PSMB9: variants seen among roughly 807,000 people sequenced by gnomAD.
PSMB9 encodes the protein proteasome subunit beta type-9.
PSMB9 carries 16 observed loss-of-function variants against 26.9 expected under a neutral mutation model. That is an observed-to-expected ratio of 0.59 (90% CI 0.40 to 0.90). The LOEUF (loss-of-function observed/expected upper bound fraction) is 0.90, where lower values mean the gene tolerates loss of function less well. PSMB9 is among the 40% of genes least tolerant of loss of function. PSMB9 has a pLI of 0.00. For missense variants in PSMB9, 253 were observed against 292.2 expected, an observed-to-expected ratio of 0.87 and a Z score of 0.98; for synonymous variants, 91 against 112.0, an observed-to-expected ratio of 0.81 and a Z score of 1.18.
At position 32,857,979 on chromosome 6, in the gene PSMB9, A is replaced by G. The variant is rs371633215; in HGVS notation, c.261-26A>G. On this transcript the variant is annotated intron_variant, in intron 3 of 5. Transcript: ENST00000374859. The stretch of plus-strand genomic sequence containing the variant: ...GAGAATGAGACTTAAAATTCTATCA[A>G]CCTTTATTCCTAATATTTCCCTCAG... 357 of 1,612,842 alleles carry G rather than the reference A, an allele frequency of 2.2e-4. 2 individuals are homozygous for G. The South Asian group carries it at 3.6e-3, about 16-fold the overall frequency.
rs1771060687 is a variant in PSMB9 at position 32,854,525 on chromosome 6, C to T, written c.60+236C>T. 6.6e-6 allele frequency among the ~76,000 whole-genome samples: 1 copy of T among 152,042 alleles called. No individual in the cohort carries two copies. Among genetic ancestry groups the T allele is most frequent in the South Asian group, 2.1e-4 (1 of 4,816 alleles). On this transcript the variant is annotated intron_variant, in intron 1 of 5. Transcript: ENST00000374859. This position sits in a 1 kb window ranked among gnomAD's most constrained non-coding sequence, Gnocchi z 4.6. ...GCGAGGCTGGTGGAAAAAGCGGGTGCTTTGACTCTTAGCTGGAAGCGTCAA... is the reference window on the plus strand; with the variant it reads ...GCGAGGCTGGTGGAAAAAGCGGGTGTTTTGACTCTTAGCTGGAAGCGTCAA...
Position 32,858,596 on chromosome 6 carries a change from G to A in PSMB9, c.532+91G>A. Reference sequence around the variant, plus strand: ...GGAACAGGAAGAGAAATACAGGGGTGGCCATTTAAGTTAATGCCGGGCCTG... The same window carrying A: ...GGAACAGGAAGAGAAATACAGGGGTAGCCATTTAAGTTAATGCCGGGCCTG... On this transcript the variant is annotated intron_variant, in intron 5 of 5. Coordinates refer to ENST00000374859, the MANE Select transcript of PSMB9 (RefSeq NM_002800.5). This position sits in a 1 kb window ranked among gnomAD's most constrained non-coding sequence, Gnocchi z 5.2. 1 of 1,562,980 alleles carries A rather than the reference G, an allele frequency of 6.4e-7. No homozygotes were observed. Among genetic ancestry groups the A allele is most frequent in the Non-Finnish European group, 8.7e-7 (1 of 1,143,234 alleles).
intron 2 of PSMB9, 98 bp from the exon 3 acceptor site, chr6:32,857,165 C>A: frequency 7.3e-7 from 1 of 1,374,766 alleles, no homozygotes. Flanking sequence ...TGATCCACTG[C>A]ACTCCAGCCT....
chr6:32,858,472 T>G lies in PSMB9; in HGVS notation c.499T>G (p.Ser167Ala). 6.2e-7 allele frequency: 1 copy of G among 1,612,894 alleles called. No homozygotes were observed. Among genetic ancestry groups the G allele is most frequent in the Non-Finnish European group, 8.5e-7 (1 of 1,179,990 alleles). Reference sequence around the variant, plus strand: ...GGATGCAGCATATAAGCCAGGCATGTCTCCCGAGGAGTGCAGGCGCTTCAC... The same window carrying G: ...GGATGCAGCATATAAGCCAGGCATGGCTCCCGAGGAGTGCAGGCGCTTCAC... ...YVDAAYKPGM[S>A]PEECRRFTTD... The change falls in exon 5 of 6, where the codon TCT (serine) becomes GCT (alanine). Residue 167 changes from serine (S) to alanine (A), a missense_variant. Coordinates refer to ENST00000374859, the MANE Select transcript of PSMB9 (RefSeq NM_002800.5). The surrounding 1 kb of genome is among the most constrained non-coding windows in gnomAD (Gnocchi z 5.2).
chr6:32,857,787 A>G, intron 3 of PSMB9: 2 of 593,594 alleles, frequency 3.4e-6, no homozygotes, highest in Non-Finnish European at 5.8e-6. Flanking sequence ...GCCAAAAGAA[A>G]GTTATGTGGG....
At position 32,857,376 on chromosome 6, in the gene PSMB9, A is replaced by T; in HGVS notation, c.242A>T (p.Tyr81Phe). Reference sequence around the variant, plus strand: ...CAAGCCGTGGCCGACATGGCCGCCTACCAGCTGGAGCTCCATGGGTATGAA... The same window carrying T: ...CAAGCCGTGGCCGACATGGCCGCCTTCCAGCTGGAGCTCCATGGGTATGAA... ...DAQAVADMAAYQLELHGIELE... is the reference protein window; with the variant it reads ...DAQAVADMAAFQLELHGIELE... Residue 81 changes from tyrosine to phenylalanine, a missense_variant, in exon 3 of 6, where the codon TAC becomes TTC. Physicochemically the swap from Tyr to Phe is conservative, Grantham distance 22. Transcript: ENST00000374859. 1 of 1,612,468 alleles carries T rather than the reference A, an allele frequency of 6.2e-7. No individual in the cohort carries two copies. Among genetic ancestry groups the T allele is most frequent in the Non-Finnish European group, 8.5e-7 (1 of 1,179,976 alleles).
rs1771086666 is a variant in PSMB9 at position 32,854,999 on chromosome 6, G to A, written c.60+710G>A. Among the ~76,000 whole-genome samples the A allele has an allele frequency of 6.6e-6, 1 of 152,214 alleles. No homozygotes were observed. Among genetic ancestry groups the A allele is most frequent in the Non-Finnish European group, 1.5e-5 (1 of 68,038 alleles). On this transcript the variant is annotated intron_variant, in intron 1 of 5. Transcript: ENST00000374859. The surrounding 1 kb of genome is among the most constrained non-coding windows in gnomAD (Gnocchi z 4.6). ...CTCTGGACTACTGCCACCACTCGTG[G>A]CTTGGGGGCGGCTTTGTTAGAGAGG...
At position 32,858,561 on chromosome 6, in the gene PSMB9, T is replaced by C. The variant is rs115429670; in HGVS notation, c.532+56T>C. The C allele has an allele frequency of 1.8e-3, 2,851 of 1,607,396 alleles. 4 individuals are homozygous for C. Among genetic ancestry groups the C allele is most frequent in the Non-Finnish European group, 2.3e-3 (2,666 of 1,176,344 alleles). On this transcript the variant is annotated intron_variant, in intron 5 of 5. Coordinates refer to ENST00000374859, the MANE Select transcript of PSMB9 (RefSeq NM_002800.5). This position sits in a 1 kb window ranked among gnomAD's most constrained non-coding sequence, Gnocchi z 5.2. ...AGGGCTTTGAAACATGGGAAGGAAG[T>C]AGATTATGAGGAACAGGAAGAGAAA...
intron 5 of PSMB9, 29 bp from the exon 6 acceptor site, chr6:32,859,376 C>A: frequency 6.3e-7 from 1 of 1,589,914 alleles, no homozygotes; most frequent in Non-Finnish European, 8.6e-7. Context: ...TCCTCTCTCT[C>A]CCTCTCTCCA....
In PSMB9 at chr6:32,859,458, G is replaced by A. The variant is rs1307196646; in HGVS notation, c.586G>A (p.Val196Ile). ...DGSSGGVIYLVTITAAGVDHR... is the reference protein window; with the variant it reads ...DGSSGGVIYLITITAAGVDHR... Reference sequence around the variant, plus strand: ...CTCAAGCGGGGGTGTCATCTACCTGGTCACTATTACAGCTGCCGGTGTGGA... The same window carrying A: ...CTCAAGCGGGGGTGTCATCTACCTGATCACTATTACAGCTGCCGGTGTGGA... The change falls in exon 6 of 6, where the codon GTC (valine) becomes ATC (isoleucine). Residue 196 changes from valine (V) to isoleucine (I), a missense_variant. Physicochemically the swap from Val to Ile is conservative, Grantham distance 29 (BLOSUM62 3). Coordinates refer to ENST00000374859, the MANE Select transcript of PSMB9 (RefSeq NM_002800.5). The A allele has an allele frequency of 3.7e-6, 6 of 1,613,496 alleles. No individual in the cohort carries two copies. The highest frequency in any genetic ancestry group is 1.3e-5 in the African/African-American group (1 of 74,900).
Position 32,857,321 on chromosome 6 carries a change from T to C in PSMB9, c.187T>C (p.Cys63Arg). The C allele has an allele frequency of 1.2e-6, 2 of 1,612,824 alleles. No individual in the cohort carries two copies. Among genetic ancestry groups the C allele is most frequent in the Non-Finnish European group, 1.7e-6 (2 of 1,179,996 alleles). ...KLSPLHERIY[C>R]ALSGSAADAQ... Reference sequence around the variant, plus strand: ...GTCCCCGCTGCACGAGCGCATCTACTGTGCACTCTCTGGTTCAGCTGCTGA... The same window carrying C: ...GTCCCCGCTGCACGAGCGCATCTACCGTGCACTCTCTGGTTCAGCTGCTGA... Residue 63 changes from cysteine to arginine, a missense_variant, in exon 3 of 6, where the codon TGT (cysteine) becomes CGT (arginine). By Grantham distance (180) the Cys-to-Arg change is radical. Transcript: ENST00000374859.
chr6:32,859,365 A>G (rs1771336107), intron 5 of PSMB9, 40 bp from the exon 6 acceptor site: 1 of 1,564,942 alleles, frequency 6.4e-7, no homozygotes, highest in Non-Finnish European at 8.7e-7. Flanking sequence ...AAGCTAAGCC[A>G]TCCTCTCTCT....
In PSMB9 at chr6:32,854,195, G is replaced by GC; in HGVS notation, c.-31dup. Reference sequence around the variant, plus strand: ...GCGCTGTCCCAGGTTGGAAACCAGTGCCCCAGGCGGCGAGGAGAGCGGTGC... The same window carrying GC: ...GCGCTGTCCCAGGTTGGAAACCAGTGCCCCCAGGCGGCGAGGAGAGCGGTGC... On this transcript the variant is annotated 5_prime_UTR_variant, in exon 1 of 6. Coordinates refer to ENST00000374859, the MANE Select transcript of PSMB9 (RefSeq NM_002800.5). The surrounding 1 kb of genome is among the most constrained non-coding windows in gnomAD (Gnocchi z 4.6). The GC allele has an allele frequency of 6.5e-7, 1 of 1,544,188 alleles. No homozygotes were observed.
chr6:32,857,274 T>C lies in PSMB9; in HGVS notation c.140T>C (p.Val47Ala). 1 of 1,603,564 alleles carries C rather than the reference T, an allele frequency of 6.2e-7. No homozygotes were observed. Among genetic ancestry groups the C allele is most frequent in the Non-Finnish European group, 8.5e-7 (1 of 1,175,312 alleles). Residue 47 changes from valine (V) to alanine (A), a missense_variant, in exon 3 of 6, where the codon GTG becomes GCG. Transcript: ENST00000374859. ...DSRVSAGEAV[V>A]NRVFDKLSPL... ...CTCCCTCCTGACAGCGAGGCGGTGG[T>C]GAACCGAGTGTTTGACAAGCTGTCC...
intron 5 of PSMB9, among the ~76,000 whole-genome samples, chr6:32,859,142 C>G (rs1364726977): frequency 6.6e-6 from 1 of 151,810 alleles, no homozygotes; most frequent in African/African-American, 2.4e-5. Context: ...GTTAAATAGT[C>G]AAGGATTTGT....
Position 32,854,509 on chromosome 6 carries a change from G to C in PSMB9, c.60+220G>C, listed in dbSNP as rs1771058815. 6.6e-6 allele frequency among the ~76,000 whole-genome samples: 1 copy of C among 152,140 alleles called. No individual in the cohort carries two copies. Among genetic ancestry groups the C allele is most frequent in the Non-Finnish European group, 1.5e-5 (1 of 68,012 alleles). ...TGAAGGGAACAGGCACGCGAGGCTG[G>C]TGGAAAAAGCGGGTGCTTTGACTCT... On this transcript the variant is annotated intron_variant, in intron 1 of 5. Transcript: ENST00000374859. This position sits in a 1 kb window ranked among gnomAD's most constrained non-coding sequence, Gnocchi z 4.6.
At chr6:32,856,534 G>T in intron 2 of PSMB9, 1 of 286,818 alleles carries the variant, frequency 3.5e-6, no homozygotes. Context: ...ATTCTGTCAA[G>T]CAGATACCTG....
intron 1 of PSMB9, among the ~76,000 whole-genome samples, chr6:32,855,108 G>A (rs1771094704): frequency 6.6e-6 from 1 of 152,202 alleles, no homozygotes. Context: ...ACTCAGAGGA[G>A]CGTCCTTTGG....
rs758543790 is a variant in PSMB9, at chr6:32,858,180, C to G, written c.390+46C>G. 6.2e-7 allele frequency: 1 copy of G among 1,609,806 alleles called. No individual in the cohort carries two copies. The highest frequency in any genetic ancestry group is 8.5e-7 in the Non-Finnish European group (1 of 1,178,030). The stretch of plus-strand genomic sequence containing the variant: ...TCTCTCCTCTGGGCTTCCCCACTCT[C>G]CTGCAGAGGAAGATGGAAGTCCTAT... On this transcript the variant is annotated intron_variant, in intron 4 of 5. Coordinates refer to ENST00000374859, the MANE Select transcript of PSMB9 (RefSeq NM_002800.5). The surrounding 1 kb of genome is among the most constrained non-coding windows in gnomAD (Gnocchi z 5.2).
Sources: gnomAD v4.1 joint callset for allele counts (sites outside exome capture counted in the v4.1 genomes callset) on GRCh38, gnomAD v4.1.1 for gene constraint, Gnocchi (gnomAD v3.1) non-coding constraint, MANE v1.5 for transcripts, NCBI Gene and HGNC (gene_info 2026-07-23, HGNC 2026-07-21) for gene names.